SCO1: variants seen among roughly 807,000 people sequenced by gnomAD.
SCO1 encodes cytochrome c oxidase assembly factor SCO1.
A neutral mutation model predicts 34.0 loss-of-function variants in SCO1; 23 were observed. The observed-to-expected ratio is 0.68, with a 90% CI of 0.49 to 0.96. SCO1 has a LOEUF of 0.96. Among genes scored for constraint, SCO1 ranks in the 40% least tolerant of loss-of-function variants. The pLI, the probability that SCO1 is intolerant of heterozygous loss-of-function variation, is 0.00. For synonymous variants in SCO1, 161 were observed against 145.5 expected (o/e 1.11, Z -0.77); for missense variants, 404 against 381.6 (o/e 1.06, Z -0.49).
At chr17:10,683,244 G>A in intron 5 of SCO1, among the ~76,000 whole-genome samples, 1 of 151,952 alleles carries the variant, frequency 6.6e-6, no homozygotes, top group East Asian at 1.9e-4. Flanking sequence ...TTATACACAA[G>A]TAACAATATA....
intron 4 of SCO1, among the ~76,000 whole-genome samples, chr17:10,688,101 C>T (rs564256950): frequency 3.3e-5 from 5 of 152,230 alleles, no homozygotes; most frequent in African/African-American, 1.2e-4. Context: ...TTAGGTTAGT[C>T]AAAGATTTCT....
intron 5 of SCO1, among the ~76,000 whole-genome samples, chr17:10,682,837 T>G (rs1290572929): frequency 6.6e-6 from 1 of 152,202 alleles, no homozygotes; most frequent in African/African-American, 2.4e-5. Flanking sequence ...ACAGGTATTC[T>G]CCTCCTCTTC....
Position 10,673,585 on chromosome 17 carries a change from C to A in SCO1, c.*7534G>T, listed in dbSNP as rs958957013. 2 of 152,110 alleles carry A rather than the reference C, an allele frequency of 1.3e-5. No individual in the cohort carries two copies. Among genetic ancestry groups the A allele is most frequent in the Non-Finnish European group, 2.9e-5 (2 of 68,098 alleles). The allele number at this position is 152,110 out of a possible 1,614,324, so 9.4% of individuals were successfully genotyped here. On this transcript the variant is annotated 3_prime_UTR_variant, in exon 6 of 6. Transcript: ENST00000255390. ...TAAGACGGCCTTAGCAGAGCCTGGG[C>A]TGACAGGGAAGCAGGCAGTTAGTCT...
chr17:10,691,644 C>T (rs2074689659), intron 4 of SCO1, among the ~76,000 whole-genome samples: 1 of 152,148 alleles, frequency 6.6e-6, no homozygotes, highest in Non-Finnish European at 1.5e-5. Flanking sequence ...AGTTCAAATC[C>T]TTTCTCTGTG....
intron 4 of SCO1, among the ~76,000 whole-genome samples, chr17:10,688,714 A>G (rs2074671856): frequency 6.6e-6 from 1 of 152,276 alleles, no homozygotes; most frequent in Non-Finnish European, 1.5e-5. Context: ...TATCTGTAAC[A>G]GCCAATAAAT....
chr17:10,695,874 G>A (rs763248644), intron 1 of SCO1, 43 bp from the exon 2 acceptor site: 15 of 1,407,252 alleles, frequency 1.1e-5, no homozygotes, highest in Non-Finnish European at 1.4e-5. Flanking sequence ...CTAGTAAGAT[G>A]CAAACATTTA....
At position 10,691,886 on chromosome 17, in the gene SCO1, G is replaced by A. The variant is rs1464257306; in HGVS notation, c.641C>T (p.Ala214Val). 8 of 1,608,422 alleles carry A rather than the reference G, an allele frequency of 5.0e-6. No homozygotes were observed. The highest frequency in any genetic ancestry group is 6.0e-6 in the Non-Finnish European group (7 of 1,174,854). The stretch of plus-strand genomic sequence containing the variant: ...TAAAAAAATACCTTTCACATAATTT[G>A]CGATGGCTTCTTTTGTGTCCCTCTC... ...DPERDTKEAIANYVKEFSPKL... is the reference protein window; with the variant it reads ...DPERDTKEAIVNYVKEFSPKL... The change falls in exon 4 of 6, where the codon GCA (alanine) becomes GTA (valine). Residue 214 changes from alanine (A) to valine (V), a missense_variant. By Grantham distance (64) the Ala-to-Val change is moderately conservative (BLOSUM62 0). Transcript: ENST00000255390.
intron 4 of SCO1, among the ~76,000 whole-genome samples, chr17:10,690,969 G>A (rs2662947): frequency 0.038 from 5,746 of 152,208 alleles, 369 homozygotes; most frequent in African/African-American, 0.13. Context: ...ATATTCATAC[G>A]TGGAAACTAA....
chr17:10,694,724 AG>A (rs2074711392), intron 2 of SCO1, among the ~76,000 whole-genome samples: 1 of 152,108 alleles, frequency 6.6e-6, no homozygotes, highest in Non-Finnish European at 1.5e-5. Context: ...AGTCAAAAAA[AG>A]CTTCCATATT....
Position 10,695,836 on chromosome 17 carries a change from T to C in SCO1, c.274-5A>G, listed in dbSNP as rs1010159038. ...TAAAGACTTCCAGGAAACAGGCTACTGGGGCAGGGATTTCAAACATAAAAA... is the reference window on the plus strand; with the variant it reads ...TAAAGACTTCCAGGAAACAGGCTACCGGGGCAGGGATTTCAAACATAAAAA... On this transcript the variant is annotated splice_region_variant and splice_polypyrimidine_tract_variant and intron_variant, in intron 1 of 5. Transcript: ENST00000255390. 2 of 1,608,424 alleles carry C rather than the reference T, an allele frequency of 1.2e-6. No homozygotes were observed. Among genetic ancestry groups the C allele is most frequent in the Non-Finnish European group, 1.7e-6 (2 of 1,175,574 alleles).
Position 10,674,767 on chromosome 17 carries a change from G to C in SCO1, c.*6352C>G, listed in dbSNP as rs978367089. ...TCTTGAGACCAGGAGGCTCTCACAG[G>C]CATCTACAGAGCTCAGCCTTGGCCC... On this transcript the variant is annotated 3_prime_UTR_variant, in exon 6 of 6. Transcript: ENST00000255390. The C allele has an allele frequency of 6.6e-6, 1 of 152,312 alleles. No homozygotes were observed. Among genetic ancestry groups the C allele is most frequent in the Non-Finnish European group, 1.5e-5 (1 of 68,148 alleles). 9.4% of individuals were successfully genotyped at this position (152,312 alleles called of 1,614,324 possible). A position where few individuals can be genotyped will look rare whatever the true frequency, so the allele number is the denominator to read the frequency against.
chr17:10,691,567 A>T (rs1192956652), intron 4 of SCO1, among the ~76,000 whole-genome samples: 1 of 152,234 alleles, frequency 6.6e-6, no homozygotes, highest in Non-Finnish European at 1.5e-5. Context: ...ACAGCGCTGG[A>T]GTTAGAAGCA....
rs563247321 is a variant in SCO1, at chr17:10,681,801, T to C, written c.772-548A>G. Among the ~76,000 whole-genome samples the C allele has an allele frequency of 4.6e-5, 7 of 152,330 alleles. No homozygotes were observed. The East Asian group carries it at 1.3e-3, about 29-fold the overall frequency. On this transcript the variant is annotated intron_variant, in intron 5 of 5. Transcript: ENST00000255390. ...CCAAAATTCTGCTTACCACGCTTTA[T>C]GAGAAGAAATCAGAAAACTAATCAT...
At chr17:10,693,445 T>C (rs887150889) in intron 2 of SCO1, among the ~76,000 whole-genome samples, 1 of 152,116 alleles carries the variant, frequency 6.6e-6, no homozygotes. Context: ...AGAGTTACAA[T>C]AGGAAACAAG....
intron 5 of SCO1, among the ~76,000 whole-genome samples, chr17:10,684,205 T>C (rs1256599708): frequency 6.6e-6 from 1 of 152,236 alleles, no homozygotes; most frequent in Admixed American, 6.5e-5. Flanking sequence ...ATTTTTGTTT[T>C]CATTTGTAAT....
In SCO1 at chr17:10,672,516, C is replaced by A. The variant is rs2074553085; in HGVS notation, c.*8603G>T. On this transcript the variant is annotated 3_prime_UTR_variant, in exon 6 of 6. Coordinates refer to ENST00000255390, the MANE Select transcript of SCO1 (RefSeq NM_004589.4). Reference sequence around the variant, plus strand: ...TTATTGAGGTATGTATATTACAATTCACCCTTTTAAAGTGCGCAGTTCAGT... The same window carrying A: ...TTATTGAGGTATGTATATTACAATTAACCCTTTTAAAGTGCGCAGTTCAGT... 1 of 151,882 alleles carries A rather than the reference C, an allele frequency of 6.6e-6. No individual in the cohort carries two copies. Among genetic ancestry groups the A allele is most frequent in the Non-Finnish European group, 1.5e-5 (1 of 67,986 alleles). The allele number at this position is 151,882 out of a possible 1,614,324, so 9.4% of individuals were successfully genotyped here. A position where few individuals can be genotyped will look rare whatever the true frequency, so the allele number is the denominator to read the frequency against.
chr17:10,694,024 T>G (rs2074707121), intron 2 of SCO1, among the ~76,000 whole-genome samples: 1 of 152,194 alleles, frequency 6.6e-6, no homozygotes, highest in Non-Finnish European at 1.5e-5. Flanking sequence ...AACTTTTCAG[T>G]AGAAAACCTG....
intron 5 of SCO1, among the ~76,000 whole-genome samples, chr17:10,686,075 C>G (rs1352032279): frequency 6.6e-6 from 1 of 152,064 alleles, no homozygotes; most frequent in Non-Finnish European, 1.5e-5. Context: ...AACTCCTTCT[C>G]TACTAAAAAT....
intron 5 of SCO1, among the ~76,000 whole-genome samples, chr17:10,684,626 G>A (rs1275522778): frequency 1.3e-5 from 2 of 152,190 alleles, no homozygotes; most frequent in Non-Finnish European, 2.9e-5. Flanking sequence ...TGAGTTATGA[G>A]TTCTAAGCAT....
Sources: allele counts gnomAD v4.1 joint callset (sites outside exome capture counted in the v4.1 genomes callset), GRCh38; gene constraint gnomAD v4.1.1; transcripts MANE v1.5; gene names NCBI Gene and HGNC (gene_info 2026-07-23, HGNC 2026-07-21).